Variants in LRIF1 observed in about 807,000 individuals in gnomAD.
LRIF1 encodes the protein ligand-dependent nuclear receptor-interacting factor 1.
In LRIF1, 32 loss-of-function variants were observed where a neutral mutation model predicts 52.7. The ratio of observed to expected loss-of-function variants is 0.61; its 90% CI spans 0.46 to 0.82. LRIF1 has a LOEUF of 0.82. Among genes scored for constraint, LRIF1 ranks in the 40% least tolerant of loss-of-function variants. The pLI is 0.00. For missense variants in LRIF1, 887 were observed against 892.0 expected (o/e 0.99, Z 0.07); for synonymous variants, 323 against 317.4 (o/e 1.02, Z -0.19).
At chr1:110,910,190 C>T in the LRIF1 span, among the ~76,000 whole-genome samples, 1 of 151,506 alleles carries the variant, frequency 6.6e-6, no homozygotes, top group Non-Finnish European at 1.5e-5. Context: ...ACCTAACAGA[C>T]ATCGACAGAA....
chr1:110,942,160 A>C, the LRIF1 span: 1 of 152,098 alleles, frequency 6.6e-6, no homozygotes, highest in Non-Finnish European at 1.5e-5. Flanking sequence ...AATACTTTGC[A>C]ACTAAGAACA....
At chr1:110,909,964 A>C in the LRIF1 span, among the ~76,000 whole-genome samples, 1 of 152,168 alleles carries the variant, frequency 6.6e-6, no homozygotes, top group Non-Finnish European at 1.5e-5. Flanking sequence ...AAAGGGTTCA[A>C]TTCAACAAGA....
the LRIF1 span, chr1:110,897,942 G>T: frequency 9.4e-7 from 1 of 1,068,088 alleles, no homozygotes; most frequent in Non-Finnish European, 1.4e-6. Context: ...AGTTAAGTCA[G>T]GTAAGATTTC....
chr1:110,885,691 CCTCT>C, the LRIF1 span, among the ~76,000 whole-genome samples: 1 of 151,700 alleles, frequency 6.6e-6, no homozygotes, highest in African/African-American at 2.4e-5. Context: ...GGCGAAACCC[CCTCT>C]CTACTAAAAA....
the LRIF1 span, among the ~76,000 whole-genome samples, chr1:110,927,402 G>A: frequency 6.6e-6 from 1 of 152,164 alleles, no homozygotes; most frequent in Non-Finnish European, 1.5e-5. Flanking sequence ...AATGTAGTGT[G>A]AGCGAGCAAG....
At chr1:110,942,026 T>C in the LRIF1 span, 1 of 152,092 alleles carries the variant, frequency 6.6e-6, no homozygotes, top group South Asian at 2.1e-4. Context: ...ATCTTGGAAA[T>C]CACTCCATAT....
chr1:110,922,369 G>T, the LRIF1 span, among the ~76,000 whole-genome samples: 2 of 152,190 alleles, frequency 1.3e-5, no homozygotes, highest in Non-Finnish European at 2.9e-5. Flanking sequence ...GCAATGTTAT[G>T]ATGCAGCAAG....
the LRIF1 span, among the ~76,000 whole-genome samples, chr1:110,933,913 C>T: frequency 6.6e-6 from 1 of 152,116 alleles, no homozygotes; most frequent in Non-Finnish European, 1.5e-5. Flanking sequence ...GCACAGATCA[C>T]AGCTCCAAAA....
At chr1:110,899,249 C>A in the LRIF1 span, 1 of 1,255,534 alleles carries the variant, frequency 8.0e-7, no homozygotes, top group Non-Finnish European at 1.2e-6. Flanking sequence ...AATGCAAAAC[C>A]ATTTATAGCA....
Position 110,956,223 on chromosome 1 carries a change from A to G in LRIF1, c.69-3408T>C, listed in dbSNP as rs932661487. On this transcript the variant is annotated intron_variant, in intron 1 of 3. Transcript: ENST00000369763. Reference sequence around the variant, plus strand: ...AGAGTTGCCAGGATGTGTTGATGGCATGGGGAGACAGGTAGTGGTTATGAA... The same window carrying G: ...AGAGTTGCCAGGATGTGTTGATGGCGTGGGGAGACAGGTAGTGGTTATGAA... Among the ~76,000 whole-genome samples, 8 of 152,200 alleles carry G rather than the reference A, an allele frequency of 5.3e-5. 1 individual carries two copies. The highest frequency in any genetic ancestry group is 1.4e-4 in the African/African-American group (6 of 41,444).
At chr1:110,913,865 A>G in the LRIF1 span, among the ~76,000 whole-genome samples, 1 of 152,220 alleles carries the variant, frequency 6.6e-6, no homozygotes, top group Non-Finnish European at 1.5e-5. Context: ...AGCACTATTC[A>G]CAATAGCAAA....
chr1:110,886,422 T>C, the LRIF1 span, among the ~76,000 whole-genome samples: 1 of 152,198 alleles, frequency 6.6e-6, no homozygotes, highest in African/African-American at 2.4e-5. Context: ...AAATTTAGGA[T>C]TTTATTTAGT....
At chr1:110,915,519 T>A in the LRIF1 span, among the ~76,000 whole-genome samples, 1 of 96,776 alleles carries the variant, frequency 1.0e-5, no homozygotes, top group African/African-American at 4.9e-5. Flanking sequence ...ATAAATAAAT[T>A]TACTTACTAT....
the LRIF1 span, among the ~76,000 whole-genome samples, chr1:110,930,345 G>A: frequency 6.6e-6 from 1 of 152,080 alleles, no homozygotes; most frequent in Non-Finnish European, 1.5e-5. Context: ...AATGAAACAC[G>A]GATTGGATGG....
the LRIF1 span, among the ~76,000 whole-genome samples, chr1:110,935,175 A>C: frequency 1.3e-5 from 2 of 152,220 alleles, no homozygotes; most frequent in Admixed American, 6.5e-5. Context: ...ACAACACTTA[A>C]GTCCTTTAGA....
chr1:110,953,310 T>A (rs1658560095), intron 1 of LRIF1, among the ~76,000 whole-genome samples: 1 of 152,224 alleles, frequency 6.6e-6, no homozygotes, highest in Non-Finnish European at 1.5e-5. Context: ...GCCTAAGCTA[T>A]CTCTCATGGT....
chr1:110,960,064 T>A (rs975593577), intron 1 of LRIF1, among the ~76,000 whole-genome samples: 1 of 152,292 alleles, frequency 6.6e-6, no homozygotes, highest in Non-Finnish European at 1.5e-5. Flanking sequence ...ATGATAGATA[T>A]ACCAGTTGTT....
chr1:110,877,933 G>C, the LRIF1 span, among the ~76,000 whole-genome samples: 1 of 152,188 alleles, frequency 6.6e-6, no homozygotes, highest in South Asian at 2.1e-4. Flanking sequence ...ATGAAAAATG[G>C]AAGGTCTTCT....
At chr1:110,933,174 T>C in the LRIF1 span, among the ~76,000 whole-genome samples, 2 of 152,180 alleles carry the variant, frequency 1.3e-5, no homozygotes, top group African/African-American at 4.8e-5. Flanking sequence ...AGGCTCATCT[T>C]ATATTTTCCT....
Sources: allele counts gnomAD v4.1 joint callset (sites outside exome capture counted in the v4.1 genomes callset), GRCh38; gene constraint gnomAD v4.1.1; transcripts MANE v1.5; gene names NCBI Gene and HGNC (gene_info 2026-07-23, HGNC 2026-07-21).